The following GARNL3 variants were observed in gnomAD, a reference collection of about 807,000 sequenced individuals.
GARNL3 encodes the protein GTPase-activating Rap/Ran-GAP domain-like protein 3.
GARNL3 carries 63 observed loss-of-function variants against 125.0 expected under a neutral mutation model. That is an observed-to-expected ratio of 0.50 (90% CI 0.41 to 0.62). The LOEUF (loss-of-function observed/expected upper bound fraction) is 0.62, where lower values mean the gene tolerates loss of function less well. Among genes scored for constraint, GARNL3 ranks in the 20% least tolerant of loss-of-function variants. The pLI is 0.00. For missense variants in GARNL3, 994 were observed against 1,244.0 expected, an observed-to-expected ratio of 0.80 and a Z score of 3.02; for synonymous variants, 439 against 457.5, an observed-to-expected ratio of 0.96 and a Z score of 0.52.
In GARNL3 at chr9:127,387,226, A is replaced by G; in HGVS notation, c.2422A>G (p.Asn808Asp). Reference sequence around the variant, plus strand: ...ATACTTCACAGCAACTGCAGCTGTGAATGAGGTCTCATCTGGAGGCAGCTC... The same window carrying G: ...ATACTTCACAGCAACTGCAGCTGTGGATGAGGTCTCATCTGGAGGCAGCTC... ...DIYFTATAAV[N>D]EVSSGGSSKG... The change falls in exon 25 of 28, where the codon AAT becomes GAT. Residue 808 changes from asparagine (N) to aspartate (D), a missense_variant. Transcript: ENST00000373387. The G allele has an allele frequency of 6.2e-7, 1 of 1,614,024 alleles. No homozygotes were observed. Among genetic ancestry groups the G allele is most frequent in the Non-Finnish European group, 8.5e-7 (1 of 1,179,978 alleles).
Position 127,331,996 on chromosome 9 carries a change from G to A in GARNL3, c.595-278G>A, listed in dbSNP as rs1161620175. Among the ~76,000 whole-genome samples the A allele has an allele frequency of 4.6e-5, 7 of 152,136 alleles. No homozygotes were observed. The South Asian group carries it at 1.2e-3, about 27-fold the overall frequency. On this transcript the variant is annotated intron_variant, in intron 7 of 27. Transcript: ENST00000373387. ...TTTGTTGGAACCCTGTTTTGCCACA[G>A]AACAGAACTGGTATCCTAGAGATGC...
At chr9:127,366,513 C>T (rs1449145171) in intron 22 of GARNL3, among the ~76,000 whole-genome samples, 1 of 152,234 alleles carries the variant, frequency 6.6e-6, no homozygotes, top group South Asian at 2.1e-4. Context: ...GAAGTCACTT[C>T]TGTAAGAAAT....
upstream of GARNL3, chr9:127,263,780 A>G: frequency 2.4e-6 from 3 of 1,236,320 alleles, no homozygotes; most frequent in Non-Finnish European, 3.0e-6. Flanking sequence ...TTTCTCATAT[A>G]AGATTAATTC....
At chr9:127,304,884 C>T (rs997369655) in intron 2 of GARNL3, among the ~76,000 whole-genome samples, 4 of 152,164 alleles carry the variant, frequency 2.6e-5, no homozygotes, top group East Asian at 1.9e-4. Flanking sequence ...TCCAAATGTC[C>T]ATCAATAGAA....
chr9:127,344,334 G>A lies in GARNL3; in HGVS notation c.1351G>A (p.Gly451Arg). The A allele has an allele frequency of 6.2e-7, 1 of 1,609,884 alleles. No individual in the cohort carries two copies. Among genetic ancestry groups the A allele is most frequent in the East Asian group, 2.2e-5 (1 of 44,856 alleles). ...EARQAEFVRI[G>R]QALKLKSIVR... ...CCGCCAGGCGGAGTTTGTTAGAATA[G>A]GGCAGGTGGGTTTTCTTCTGAAACC... The change falls in exon 15 of 28, where the codon GGG becomes AGG. Residue 451 changes from glycine to arginine, a missense_variant. Physicochemically the swap from Gly to Arg is moderately radical, Grantham distance 125. This residue lies in a region of GARNL3 where 728 missense variants were observed against 865.7 expected (regional missense o/e 0.84). Coordinates refer to ENST00000373387, the MANE Select transcript of GARNL3 (RefSeq NM_032293.5).
chr9:127,353,805 G>A (rs1588915459), intron 17 of GARNL3, 41 bp from the exon 18 acceptor site: 1 of 1,343,008 alleles, frequency 7.4e-7, no homozygotes, highest in South Asian at 1.2e-5. Flanking sequence ...GGAAAGCGTG[G>A]GCTGGGTTGC....
chr9:127,278,892 C>A (rs369212075), intron 1 of GARNL3, among the ~76,000 whole-genome samples: 2 of 152,140 alleles, frequency 1.3e-5, no homozygotes, highest in Non-Finnish European at 2.9e-5. Flanking sequence ...GTTATCACAT[C>A]GCCTTCTCTC....
chr9:127,352,112 A>G (rs772869538), intron 17 of GARNL3, among the ~76,000 whole-genome samples: 1 of 152,222 alleles, frequency 6.6e-6, no homozygotes, highest in Non-Finnish European at 1.5e-5. Context: ...CTGTGGTCGC[A>G]TCTCTATCCA....
rs542029017 is a variant in GARNL3, at chr9:127,385,435, A to T, written c.2388+290A>T. Among the ~76,000 whole-genome samples, 1 of 152,304 alleles carries T rather than the reference A, an allele frequency of 6.6e-6. No homozygotes were observed. Among genetic ancestry groups the T allele is most frequent in the South Asian group, 2.1e-4 (1 of 4,826 alleles). On this transcript the variant is annotated intron_variant, in intron 24 of 27. Coordinates refer to ENST00000373387, the MANE Select transcript of GARNL3 (RefSeq NM_032293.5). The surrounding 1 kb of genome is among the most constrained non-coding windows in gnomAD (Gnocchi z 4.1). ...GATATCCCCGCTCAGAGACTGGGTC[A>T]GTTATTCATGTCACTGCTGCCCTGG...
At chr9:127,330,893 A>C (rs1483067842) in intron 7 of GARNL3, among the ~76,000 whole-genome samples, 4 of 152,232 alleles carry the variant, frequency 2.6e-5, no homozygotes, top group Non-Finnish European at 4.4e-5. Context: ...TGTTGGGGAC[A>C]GAAAAATGTT....
At chr9:127,380,463 T>A in intron 22 of GARNL3, among the ~76,000 whole-genome samples, 1 of 152,156 alleles carries the variant, frequency 6.6e-6, no homozygotes, top group East Asian at 1.9e-4. Flanking sequence ...GAGAAATGAA[T>A]ATATGTCCAT....
At chr9:127,373,963 G>GCA (rs1831744774) in intron 22 of GARNL3, among the ~76,000 whole-genome samples, 1 of 152,088 alleles carries the variant, frequency 6.6e-6, no homozygotes, top group Non-Finnish European at 1.5e-5. Flanking sequence ...CCAAGATCAG[G>GCA]CTACTGCACT....
At chr9:127,229,173 G>C (rs1465097786) in intron 1 of GARNL3, among the ~76,000 whole-genome samples, 1 of 152,144 alleles carries the variant, frequency 6.6e-6, no homozygotes, top group East Asian at 1.9e-4. Context: ...ACAGATAAAT[G>C]TTCATCTATA....
chr9:127,241,964 TTG>T lies in GARNL3; in HGVS notation c.-28-1113_-28-1112del, dbSNP rs201485770. 5.7e-3 allele frequency among the ~76,000 whole-genome samples: 866 copies of T among 151,924 alleles called. 21 individuals are homozygous for T. In the East Asian group the frequency reaches 0.085, roughly 15 times the overall value. On this transcript the variant is annotated intron_variant, in intron 1 of 10. Coordinates refer to the GARNL3 transcript ENST00000439286. ...GTTGTTGTTGTTGTTGTTGTTGTTG[TTG>T]TTGTTTGTTTTTTAATATGCCTGCA... is the stretch of plus-strand genomic sequence containing the variant.
intron 22 of GARNL3, chr9:127,367,007 G>A (rs1831322459): frequency 6.6e-6 from 1 of 152,152 alleles, no homozygotes; most frequent in South Asian, 2.1e-4. Flanking sequence ...ACATCCCAAG[G>A]TCAAGGCCCT....
intron 21 of GARNL3, among the ~76,000 whole-genome samples, chr9:127,361,529 G>T (rs549758831): frequency 6.6e-6 from 1 of 152,360 alleles, no homozygotes; most frequent in Admixed American, 6.5e-5. Flanking sequence ...CCAAGGTGGA[G>T]ACAGACACCT....
chr9:127,258,280 G>T (rs1260460921), intron 2 of GARNL3, among the ~76,000 whole-genome samples: 3 of 152,230 alleles, frequency 2.0e-5, no homozygotes, highest in Non-Finnish European at 4.4e-5. Flanking sequence ...AAATCTTTCT[G>T]CTTATTTCCT....
intron 2 of GARNL3, chr9:127,300,062 G>T: frequency 3.3e-6 from 1 of 307,124 alleles, no homozygotes; most frequent in Non-Finnish European, 6.5e-6. Flanking sequence ...TTAAGCTCAG[G>T]TCATTAAAAA....
chr9:127,374,953 T>C (rs1185335021), intron 22 of GARNL3, among the ~76,000 whole-genome samples: 2 of 150,236 alleles, frequency 1.3e-5, no homozygotes, highest in African/African-American at 4.9e-5. Context: ...TTTAAAAAAC[T>C]ATAATGAGAT....
Sources: gnomAD v4.1 joint callset for allele counts (sites outside exome capture counted in the v4.1 genomes callset) on GRCh38, gnomAD v4.1.1 for gene constraint, gnomAD v4.1.1 regional missense constraint, Gnocchi (gnomAD v3.1) non-coding constraint, MANE v1.5 for transcripts, NCBI Gene and HGNC (gene_info 2026-07-23, HGNC 2026-07-21) for gene names.